Variants in LNX1 observed in about 807,000 individuals in gnomAD.
LNX1 encodes E3 ubiquitin-protein ligase LNX.
In LNX1, 54 loss-of-function variants were observed where a neutral mutation model predicts 68.4. The ratio of observed to expected loss-of-function variants is 0.79; its 90% CI spans 0.63 to 0.99. The LOEUF is 0.99. LNX1 is among the 50% of genes least tolerant of loss of function. The pLI is 0.00. For missense variants in LNX1, 906 were observed against 926.4 expected, an observed-to-expected ratio of 0.98 and a Z score of 0.29; for synonymous variants, 336 against 350.0, an observed-to-expected ratio of 0.96 and a Z score of 0.45.
chr4:53,589,199 G>A (rs376841105), intron 1 of LNX1, among the ~76,000 whole-genome samples: 3 of 152,170 alleles, frequency 2.0e-5, no homozygotes, highest in Admixed American at 2.0e-4. Context: ...ACATTTTGTG[G>A]GTCTGTTGCA....
At chr4:53,484,906 A>G (rs1424293367) in intron 6 of LNX1, among the ~76,000 whole-genome samples, 1 of 152,192 alleles carries the variant, frequency 6.6e-6, no homozygotes, top group Non-Finnish European at 1.5e-5. Flanking sequence ...AAGTCTGGCC[A>G]TCACTTCTGA....
chr4:53,624,217 G>A (rs1278542887), intron 1 of LNX1, among the ~76,000 whole-genome samples: 2 of 151,834 alleles, frequency 1.3e-5, no homozygotes, highest in Non-Finnish European at 2.9e-5. Flanking sequence ...TCTCTCTTAT[G>A]TGATTTGGCT....
intron 6 of LNX1, among the ~76,000 whole-genome samples, chr4:53,485,462 T>C (rs1378650462): frequency 6.6e-6 from 1 of 152,204 alleles, no homozygotes; most frequent in African/African-American, 2.4e-5. Flanking sequence ...TAATTCACAT[T>C]TTCAAGGACA....
intron 2 of LNX1, among the ~76,000 whole-genome samples, chr4:53,571,026 A>G (rs1409807430): frequency 7.4e-6 from 1 of 134,648 alleles, no homozygotes; most frequent in East Asian, 2.0e-4. Flanking sequence ...GACTCCGTCT[A>G]AAAAAAAAAA....
At chr4:53,646,273 C>T (rs565338292) in intron 1 of LNX1, among the ~76,000 whole-genome samples, 54 of 152,256 alleles carry the variant, frequency 3.5e-4, no homozygotes, top group Admixed American at 8.5e-4. Context: ...GGTAAATGAC[C>T]GGAGTGGAGT....
At chr4:53,516,760 T>C (rs1368597028) in intron 2 of LNX1, among the ~76,000 whole-genome samples, 1 of 152,196 alleles carries the variant, frequency 6.6e-6, no homozygotes, top group African/African-American at 2.4e-5. Flanking sequence ...GGATACCTGA[T>C]GGCCAGTCCA....
rs763525664 is a variant in LNX1, at chr4:53,461,637, C to T, written c.1893-44G>A. The T allele has an allele frequency of 8.1e-6, 12 of 1,478,292 alleles. No homozygotes were observed. In the Admixed American group the frequency reaches 2.1e-4, roughly 25 times the overall value. The allele number at this position is 1,478,292 out of a possible 1,614,324, so 91.6% of individuals were successfully genotyped here. On this transcript the variant is annotated intron_variant, in intron 9 of 10. Transcript: ENST00000263925. ...AGTGTACATGCATATTTAAGTTTCA[C>T]AGTTAAGGGAATACTTACTGTGACT...
chr4:53,461,019 A>T lies in LNX1; in HGVS notation c.2075T>A (p.Val692Asp), dbSNP rs1219305311. 7.6e-6 allele frequency: 12 copies of T among 1,585,920 alleles called. No individual in the cohort carries two copies. Among genetic ancestry groups the T allele is most frequent in the Non-Finnish European group, 1.0e-5 (12 of 1,170,818 alleles). ...CATTCCTGATGTACTTCTACCATTG[A>T]CAGCAAGAAGAATATCACCACATCT... ...RIRCGDILLAVNGRSTSGMIH... is the reference protein window; with the variant it reads ...RIRCGDILLADNGRSTSGMIH... Residue 692 changes from valine (V) to aspartate (D), a missense_variant, in exon 11 of 11, where the codon GTC becomes GAC. Val to Asp is a radical substitution (Grantham distance 152). Transcript: ENST00000263925.
chr4:53,472,156 C>A (rs530507483), intron 9 of LNX1, among the ~76,000 whole-genome samples: 3 of 152,098 alleles, frequency 2.0e-5, no homozygotes, highest in African/African-American at 4.8e-5. Flanking sequence ...ACTATGTAGC[C>A]ATAAAAAAGG....
chr4:53,543,098 C>G lies in LNX1; in HGVS notation c.380+30525G>C, dbSNP rs147636390. ...CTTGTCTCAAACTCCTGAGCTCAAA[C>G]AATTCTCCTGCCTCAGCCTCCCGAA... On this transcript the variant is annotated intron_variant, in intron 2 of 10. Coordinates refer to ENST00000263925, the MANE Select transcript of LNX1 (RefSeq NM_001126328.3). Among the ~76,000 whole-genome samples the G allele has an allele frequency of 1.3e-4, 20 of 152,300 alleles. No homozygotes were observed. In the East Asian group the frequency reaches 3.9e-3, roughly 29 times the overall value.
At chr4:53,507,824 G>C (rs1405025920) in intron 3 of LNX1, among the ~76,000 whole-genome samples, 162 bp downstream of exon 3, 2 of 152,050 alleles carry the variant, frequency 1.3e-5, no homozygotes, top group African/African-American at 4.8e-5. Flanking sequence ...AGGTACTTGC[G>C]GTTTCATTTC....
chr4:53,582,537 T>C (rs943447482), intron 1 of LNX1, among the ~76,000 whole-genome samples: 3 of 152,208 alleles, frequency 2.0e-5, no homozygotes, highest in Non-Finnish European at 4.4e-5. Flanking sequence ...TCTGCCCTAC[T>C]GTATTCATGT....
chr4:53,591,668 T>TATTC, upstream of LNX1: 51 of 763,838 alleles, frequency 6.7e-5, no homozygotes, highest in East Asian at 1.3e-4. Flanking sequence ...TGCAAGCAGG[T>TATTC]AGGTGGCGTC....
chr4:53,483,985 G>A (rs541292568), intron 6 of LNX1, among the ~76,000 whole-genome samples: 1 of 152,268 alleles, frequency 6.6e-6, no homozygotes, highest in East Asian at 1.9e-4. Flanking sequence ...ATGAAGGCAG[G>A]TCCCTCCTAA....
chr4:53,583,199 T>C (rs1193508139), intron 1 of LNX1, among the ~76,000 whole-genome samples: 1 of 152,160 alleles, frequency 6.6e-6, no homozygotes, highest in African/African-American at 2.4e-5. Flanking sequence ...ACACAGAGGA[T>C]GGGCAGTGTT....
upstream of LNX1, among the ~76,000 whole-genome samples, chr4:53,593,635 C>G (rs1254610647): frequency 6.6e-6 from 1 of 151,496 alleles, no homozygotes; most frequent in Admixed American, 6.6e-5. Flanking sequence ...TCCTGGATTT[C>G]GAATAATATG....
intron 2 of LNX1, among the ~76,000 whole-genome samples, chr4:53,600,955 G>A (rs938075722): frequency 2.7e-5 from 4 of 146,914 alleles, no homozygotes; most frequent in African/African-American, 9.9e-5. Context: ...GTGGGCGCCT[G>A]TAATCCCAGC....
intron 1 of LNX1, among the ~76,000 whole-genome samples, chr4:53,640,879 T>A (rs1288720957): frequency 6.6e-6 from 1 of 152,246 alleles, no homozygotes; most frequent in Non-Finnish European, 1.5e-5. Flanking sequence ...TCGACTCACA[T>A]GAGCTACTTT....
chr4:53,590,395 C>G (rs1029449075), intron 1 of LNX1, among the ~76,000 whole-genome samples: 2 of 152,170 alleles, frequency 1.3e-5, no homozygotes, highest in African/African-American at 2.4e-5. Context: ...TGAAGTGTCT[C>G]GCAGATTTAT....
Sources: gnomAD v4.1 joint callset for allele counts (sites outside exome capture counted in the v4.1 genomes callset) on GRCh38, gnomAD v4.1.1 for gene constraint, MANE v1.5 for transcripts, NCBI Gene and HGNC (gene_info 2026-07-23, HGNC 2026-07-21) for gene names.